The following ZC3H13 variants were observed in gnomAD, a reference collection of about 807,000 sequenced individuals.
The protein encoded by ZC3H13 is zinc finger CCCH domain-containing protein 13.
Under a neutral mutation model 204.1 loss-of-function variants are expected in ZC3H13, and 64 were observed. That is an observed-to-expected ratio of 0.31 (90% CI 0.26 to 0.39). The LOEUF (loss-of-function observed/expected upper bound fraction) is 0.39. Ranked by LOEUF, ZC3H13 falls within the 10% of genes least tolerant of loss-of-function variation. The probability of loss-of-function intolerance (pLI) is 1.00; values close to 1 mark genes in which losing one functional copy is unlikely to be tolerated. For missense variants in ZC3H13, 1,833 were observed against 2,082.7 expected (o/e 0.88, Z 2.33); for synonymous variants, 667 against 693.7 (o/e 0.96, Z 0.60).
At chr13:45,995,778 T>C (rs1176079146) in intron 8 of ZC3H13, among the ~76,000 whole-genome samples, 1 of 152,222 alleles carries the variant, frequency 6.6e-6, no homozygotes, top group African/African-American at 2.4e-5. Flanking sequence ...TTGTACGGCC[T>C]GCAGAACCAT....
chr13:45,962,557 T>C, intron 17 of ZC3H13: 1 of 985,170 alleles, frequency 1.0e-6, no homozygotes, highest in Non-Finnish European at 1.2e-6. Flanking sequence ...AACTAAGTCT[T>C]GGGTCATTTT....
At chr13:46,024,481 A>T (rs1453002469) in intron 4 of ZC3H13, among the ~76,000 whole-genome samples, 1 of 152,152 alleles carries the variant, frequency 6.6e-6, no homozygotes, top group Non-Finnish European at 1.5e-5. Context: ...TACTTTGAAA[A>T]TATTATTTCA....
intron 11 of ZC3H13, chr13:45,976,272 GA>G (rs1207096414): frequency 3.4e-5 from 32 of 949,166 alleles, no homozygotes; most frequent in South Asian, 4.8e-5. Context: ...GGAGCTGAAG[GA>G]AAAAAAAAAT....
At chr13:45,963,623 T>C (rs1593448882) in intron 17 of ZC3H13, 1 of 1,357,830 alleles carries the variant, frequency 7.4e-7, no homozygotes, top group South Asian at 1.6e-5. Flanking sequence ...AAGGTCATTG[T>C]ACTCTTTTCC....
At chr13:45,997,299 C>G (rs2138408415) in intron 8 of ZC3H13, among the ~76,000 whole-genome samples, 2 of 152,298 alleles carry the variant, frequency 1.3e-5, no homozygotes, top group Middle Eastern at 6.8e-3. Flanking sequence ...TTTTAACAAA[C>G]TTGATATGCC....
At chr13:46,022,596 T>C (rs562645577) in intron 4 of ZC3H13, among the ~76,000 whole-genome samples, 3 of 152,138 alleles carry the variant, frequency 2.0e-5, no homozygotes, top group African/African-American at 7.2e-5. Flanking sequence ...ATTAAAAGTA[T>C]AACCTACTGA....
intron 12 of ZC3H13, among the ~76,000 whole-genome samples, chr13:45,973,964 A>G (rs1441385311): frequency 6.6e-6 from 1 of 152,220 alleles, no homozygotes; most frequent in Non-Finnish European, 1.5e-5. Flanking sequence ...AGAAAGTTCT[A>G]CTTCTGTGCT....
At chr13:46,052,286 G>T in intron 1 of ZC3H13, 118 bp downstream of exon 1, 1 of 370,296 alleles carries the variant, frequency 2.7e-6, no homozygotes, top group African/African-American at 2.1e-5. Flanking sequence ...GGATGCTCAA[G>T]GAAAGCTCAA....
At chr13:46,033,697 T>C (rs1257188601) in intron 4 of ZC3H13, among the ~76,000 whole-genome samples, 1 of 152,076 alleles carries the variant, frequency 6.6e-6, no homozygotes, top group Non-Finnish European at 1.5e-5. Context: ...ACCAAGTTTT[T>C]TGAGGAAAAT....
At chr13:45,959,679 T>G in intron 17 of ZC3H13, 33 bp from the exon 18 acceptor site, 1 of 1,488,274 alleles carries the variant, frequency 6.7e-7, no homozygotes, top group Non-Finnish European at 8.9e-7. Context: ...CATTAAGTTT[T>G]ACTAAAATAG....
At chr13:45,992,617 T>C (rs879900361) in intron 8 of ZC3H13, among the ~76,000 whole-genome samples, 6 of 152,214 alleles carry the variant, frequency 3.9e-5, no homozygotes, top group Non-Finnish European at 5.9e-5. Context: ...TTGCAACTTC[T>C]GACATAACTG....
intron 1 of ZC3H13, among the ~76,000 whole-genome samples, chr13:46,049,660 G>T (rs2044260963): frequency 6.6e-6 from 1 of 151,954 alleles, no homozygotes; most frequent in African/African-American, 2.4e-5. Context: ...GTGACAATTA[G>T]AATTTTCAAT....
intron 9 of ZC3H13, 59 bp downstream of exon 9, chr13:45,988,728 A>T (rs753460992): frequency 5.9e-6 from 9 of 1,528,564 alleles, no homozygotes; most frequent in Non-Finnish European, 7.9e-6. Flanking sequence ...ATCTCTTAGT[A>T]CAACAATAAA....
intron 12 of ZC3H13, among the ~76,000 whole-genome samples, chr13:45,971,181 T>C (rs914842020): frequency 2.6e-5 from 4 of 152,228 alleles, no homozygotes; most frequent in African/African-American, 9.6e-5. Context: ...TGTTCCTTAG[T>C]TGAGCTTTAA....
chr13:46,011,637 C>A (rs2041569681), intron 5 of ZC3H13, 83 bp from the exon 6 acceptor site: 7 of 1,119,990 alleles, frequency 6.3e-6, no homozygotes, highest in Non-Finnish European at 7.4e-6. Flanking sequence ...CAACTAATTT[C>A]TTACACAAAT....
intron 16 of ZC3H13, 108 bp downstream of exon 16, chr13:45,965,172 G>A: frequency 1.5e-6 from 2 of 1,358,266 alleles, no homozygotes; most frequent in South Asian, 1.8e-5. Flanking sequence ...AATGTAAAAG[G>A]AAAAATTCTA....
intron 18 of ZC3H13, among the ~76,000 whole-genome samples, chr13:45,958,207 C>T (rs35154575): frequency 0.086 from 13,072 of 152,162 alleles, 799 homozygotes; most frequent in Non-Finnish European, 0.12. Context: ...AAAATTGAAT[C>T]CCCCCTACCC....
At chr13:46,004,605 C>G (rs1398852182) in intron 7 of ZC3H13, among the ~76,000 whole-genome samples, 1 of 152,068 alleles carries the variant, frequency 6.6e-6, no homozygotes, top group Non-Finnish European at 1.5e-5. Flanking sequence ...TAGAATTTCC[C>G]TGAATAGATG....
intron 4 of ZC3H13, among the ~76,000 whole-genome samples, chr13:46,030,232 T>G (rs896538393): frequency 6.6e-6 from 1 of 152,158 alleles, no homozygotes; most frequent in African/African-American, 2.4e-5. Context: ...TTTCCTCAAC[T>G]TGATAAAGAT....
Sources: gnomAD v4.1 joint callset for allele counts (sites outside exome capture counted in the v4.1 genomes callset) on GRCh38, gnomAD v4.1.1 for gene constraint, MANE v1.5 for transcripts, NCBI Gene and HGNC (gene_info 2026-07-23, HGNC 2026-07-21) for gene names.